EFR3B: variants seen among roughly 807,000 people sequenced by gnomAD.
EFR3B encodes the protein EFR3 homolog B.
Under a neutral mutation model 104.7 loss-of-function variants are expected in EFR3B, and 64 were observed. The ratio of observed to expected loss-of-function variants is 0.61; its 90% CI spans 0.50 to 0.75. The LOEUF (loss-of-function observed/expected upper bound fraction) is 0.75, where lower values mean the gene tolerates loss of function less well. Among genes scored for constraint, EFR3B ranks in the 30% least tolerant of loss-of-function variants. The probability of loss-of-function intolerance (pLI) is 0.00; values close to 1 mark genes in which losing one functional copy is unlikely to be tolerated. For synonymous variants in EFR3B, 385 were observed against 417.9 expected (o/e 0.92, Z 0.96); for missense variants, 750 against 1,078.5 (o/e 0.70, Z 4.27).
chr2:25,089,840 G>A (rs890559661), intron 1 of EFR3B, among the ~76,000 whole-genome samples: 2 of 152,136 alleles, frequency 1.3e-5, no homozygotes, highest in Non-Finnish European at 2.9e-5. Context: ...GGGGCGGGTG[G>A]AAGCTGAGGG....
At chr2:25,071,724 A>C (rs188858059) in intron 1 of EFR3B, among the ~76,000 whole-genome samples, 1 of 152,268 alleles carries the variant, frequency 6.6e-6, no homozygotes, top group Admixed American at 6.5e-5. Flanking sequence ...TTTGTCGCCG[A>C]AATTATTTTG....
chr2:25,059,345 A>G (rs1217636928), intron 1 of EFR3B, among the ~76,000 whole-genome samples: 16 of 152,216 alleles, frequency 1.1e-4, no homozygotes, highest in Non-Finnish European at 2.4e-4. Flanking sequence ...GGGTTTCCCA[A>G]AGTGCTGGGA....
At chr2:25,067,432 T>G (rs2002946) in intron 1 of EFR3B, among the ~76,000 whole-genome samples, 2,997 of 151,724 alleles carry the variant, frequency 0.02, 55 homozygotes, top group East Asian at 0.1. Context: ...TTTTGTTTTT[T>G]TTTTTTTGTT....
chr2:25,110,304 A>G (rs1466972888), intron 4 of EFR3B, among the ~76,000 whole-genome samples: 5 of 152,104 alleles, frequency 3.3e-5, no homozygotes, highest in African/African-American at 1.2e-4. Context: ...AAAACCACAC[A>G]GCCTGTGGGT....
chr2:25,113,973 A>AT (rs1404481134), intron 4 of EFR3B, among the ~76,000 whole-genome samples: 1 of 152,124 alleles, frequency 6.6e-6, no homozygotes, highest in Non-Finnish European at 1.5e-5. Flanking sequence ...TAGGATTCAA[A>AT]TATGTGGTCT....
chr2:25,084,963 A>G (rs903587821), intron 1 of EFR3B, among the ~76,000 whole-genome samples: 1 of 152,204 alleles, frequency 6.6e-6, no homozygotes, highest in African/African-American at 2.4e-5. Flanking sequence ...TGGGGGCCCC[A>G]AGATTTATTT....
At chr2:25,056,488 A>G (rs2149166606) in intron 1 of EFR3B, among the ~76,000 whole-genome samples, 1 of 150,940 alleles carries the variant, frequency 6.6e-6, no homozygotes, top group South Asian at 2.1e-4. Context: ...TTTGAGGCAA[A>G]GGCAATAAAT....
intron 10 of EFR3B, among the ~76,000 whole-genome samples, chr2:25,132,245 C>T (rs1237746480): frequency 1.3e-5 from 2 of 152,204 alleles, no homozygotes; most frequent in African/African-American, 4.8e-5. Flanking sequence ...CGCAAGCAGT[C>T]AGATGAGTGT....
chr2:25,132,912 C>G lies in EFR3B; in HGVS notation c.1157C>G (p.Ala386Gly). Residue 386 changes from alanine to glycine, a missense_variant, in exon 11 of 23, where the codon GCC becomes GGC. Coordinates refer to ENST00000403714, the MANE Select transcript of EFR3B (RefSeq NM_014971.2). ...EAVIKTVGSFASTLPTYQRSE... is the reference protein window; with the variant it reads ...EAVIKTVGSFGSTLPTYQRSE... ...CCGCCACCTCCTGCAGGCTCCTTTG[C>G]CAGCACGCTGCCCACCTACCAGCGC... 1 of 1,550,786 alleles carries G rather than the reference C, an allele frequency of 6.4e-7. No homozygotes were observed. The highest frequency in any genetic ancestry group is 8.7e-7 in the Non-Finnish European group (1 of 1,146,900).
Position 25,093,060 on chromosome 2 carries a change from G to C in EFR3B, c.142G>C (p.Glu48Gln), listed in dbSNP as rs1282359152. The C allele has an allele frequency of 6.4e-7, 1 of 1,551,014 alleles. No individual in the cohort carries two copies. The highest frequency in any genetic ancestry group is 8.7e-7 in the Non-Finnish European group (1 of 1,147,046). Residue 48 changes from glutamate (E) to glutamine (Q), a missense_variant, in exon 3 of 23, where the codon GAA becomes CAA. Physicochemically the swap from Glu to Gln is conservative, Grantham distance 29. Coordinates refer to ENST00000403714, the MANE Select transcript of EFR3B (RefSeq NM_014971.2). ...KLTFYALSAP[E>Q]KLDRIGAYLS... ...GACCTTCTATGCCCTCTCAGCTCCA[G>C]AAAAACTTGATCGTATTGGCGCCTA...
intron 1 of EFR3B, among the ~76,000 whole-genome samples, chr2:25,074,138 C>G (rs1347592453): frequency 6.6e-6 from 1 of 152,062 alleles, no homozygotes; most frequent in Non-Finnish European, 1.5e-5. Context: ...TGTGACCAAC[C>G]TGGTGTGGGG....
chr2:25,110,521 C>A (rs1234405000), intron 4 of EFR3B, among the ~76,000 whole-genome samples: 1 of 152,140 alleles, frequency 6.6e-6, no homozygotes, highest in Non-Finnish European at 1.5e-5. Context: ...CTTCCTGTGC[C>A]CATCTTCTTC....
At chr2:25,117,500 C>T (rs1413177780) in intron 4 of EFR3B, among the ~76,000 whole-genome samples, 1 of 151,708 alleles carries the variant, frequency 6.6e-6, no homozygotes, top group East Asian at 1.9e-4. Context: ...GCAACCTCCA[C>T]TTCCCAGGTT....
chr2:25,070,102 G>GTCA (rs1228161623), intron 1 of EFR3B, among the ~76,000 whole-genome samples: 1 of 152,168 alleles, frequency 6.6e-6, no homozygotes, highest in African/African-American at 2.4e-5. Flanking sequence ...AAACTGACAT[G>GTCA]GCACACTGGT....
In EFR3B at chr2:25,143,932, A is replaced by G. The variant is rs1362968920; in HGVS notation, c.2050+70A>G. 6 of 1,509,896 alleles carry G rather than the reference A, an allele frequency of 4.0e-6. No individual in the cohort carries two copies. The Admixed American group carries it at 1.3e-4, about 32-fold the overall frequency. The allele number at this position is 1,509,896 out of a possible 1,614,324, so 93.5% of individuals were successfully genotyped here. A position where few individuals can be genotyped will look rare whatever the true frequency, so the allele number is the denominator to read the frequency against. ...CTTGGCCAGGTAAGGGCCTGAGCAT[A>G]AGGGACTTATAGCCCTTTGATTGCC... On this transcript the variant is annotated intron_variant, in intron 18 of 22. Coordinates refer to ENST00000403714, the MANE Select transcript of EFR3B (RefSeq NM_014971.2).
chr2:25,135,753 T>G (rs1004956255), intron 13 of EFR3B, 114 bp downstream of exon 13: 1 of 1,233,390 alleles, frequency 8.1e-7, no homozygotes, highest in African/African-American at 1.5e-5. Flanking sequence ...ATCTGAGTAT[T>G]GTGGGATCTG....
intron 4 of EFR3B, among the ~76,000 whole-genome samples, chr2:25,120,633 A>G (rs1160131781): frequency 6.9e-6 from 1 of 144,632 alleles, no homozygotes; most frequent in East Asian, 2.0e-4. Flanking sequence ...ACAGAGCAAG[A>G]CTCCGTCTCA....
intron 19 of EFR3B, chr2:25,147,372 G>A (rs1042733843): frequency 1.3e-5 from 2 of 152,244 alleles, no homozygotes; most frequent in African/African-American, 4.8e-5. Context: ...TAATTCCTAT[G>A]CTAGCAAATT....
In EFR3B at chr2:25,137,721, A is replaced by G. The variant is rs1558617433; in HGVS notation, c.1722+219A>G. Among the ~76,000 whole-genome samples the G allele has an allele frequency of 1.3e-5, 2 of 152,168 alleles. No individual in the cohort carries two copies. The highest frequency in any genetic ancestry group is 2.9e-5 in the Non-Finnish European group (2 of 68,034). ...TCATTCATGGTCTTGGCCCGTCCTTAAGCTAAAGAAGACCCAGGGAACCGG... is the reference window on the plus strand; with the variant it reads ...TCATTCATGGTCTTGGCCCGTCCTTGAGCTAAAGAAGACCCAGGGAACCGG... On this transcript the variant is annotated intron_variant, in intron 15 of 22. Transcript: ENST00000403714. This position sits in a 1 kb window ranked among gnomAD's most constrained non-coding sequence, Gnocchi z 4.7.
Sources: allele counts gnomAD v4.1 joint callset (sites outside exome capture counted in the v4.1 genomes callset), GRCh38; gene constraint gnomAD v4.1.1; non-coding constraint Gnocchi (gnomAD v3.1); transcripts MANE v1.5; gene names NCBI Gene and HGNC (gene_info 2026-07-23, HGNC 2026-07-21).